Variants in TAL1 observed in about 807,000 individuals in gnomAD.
TAL1 encodes the protein T-cell acute lymphocytic leukemia protein 1.
A neutral mutation model predicts 17.9 loss-of-function variants in TAL1; 8 were observed. The observed-to-expected ratio is 0.45, with a 90% CI of 0.26 to 0.81. The LOEUF (loss-of-function observed/expected upper bound fraction) is 0.81, where lower values mean the gene tolerates loss of function less well. Ranked by LOEUF, TAL1 falls within the 30% of genes least tolerant of loss-of-function variation. The pLI is 0.17. For synonymous variants in TAL1, 223 were observed against 218.6 expected (o/e 1.02, Z -0.18); for missense variants, 466 against 486.9 (o/e 0.96, Z 0.40).
At chr1:47,217,395 A>C (rs918123445) in exon 4 of TAL1, 3 of 396,574 alleles carry the variant, frequency 7.6e-6, no homozygotes, top group Admixed American at 4.4e-5. Flanking sequence ...TCTCACACAC[A>C]CACACACACA....
upstream of TAL1, chr1:47,230,089 A>C (rs1227742644): frequency 6.6e-6 from 1 of 152,262 alleles, no homozygotes; most frequent in Non-Finnish European, 1.5e-5. Flanking sequence ...GGGGGAAAGA[A>C]AGAAACAAAG....
exon 4 of TAL1, chr1:47,219,800 C>T (rs1392159806): frequency 4.3e-6 from 7 of 1,611,548 alleles, no homozygotes; most frequent in Non-Finnish European, 5.9e-6. Flanking sequence ...GCGGGCTCCT[C>T]CGTGTAGCTG....
chr1:47,223,627 G>C (rs2148589248), intron 3 of TAL1: 1 of 173,276 alleles, frequency 5.8e-6, no homozygotes, highest in South Asian at 1.6e-4. Context: ...TGCCTAGAAT[G>C]GGGGATCGGG....
chr1:47,223,866 G>T, intron 3 of TAL1, 138 bp downstream of exon 4: 1 of 805,446 alleles, frequency 1.2e-6, no homozygotes, highest in South Asian at 1.6e-5. Context: ...CAGGGTGAAG[G>T]GCTTCGGCAG....
chr1:47,225,955 G>T (rs946449804), intron 1 of TAL1, 66 bp from the exon 3 acceptor site: 5 of 1,500,412 alleles, frequency 3.3e-6, no homozygotes, highest in Middle Eastern at 3.8e-4. Context: ...ACCGACGTGG[G>T]CTGGGGTAAA....
At chr1:47,224,031 A>T (rs780533692) in exon 3 of TAL1, 2 of 1,613,642 alleles carry the variant, frequency 1.2e-6, no homozygotes, top group Non-Finnish European at 1.7e-6. Context: ...TCATAGGGGG[A>T]AGGTCTCCTC....
intron 2 of TAL1, 55 bp downstream of exon 3, chr1:47,225,388 G>T: frequency 8.2e-7 from 1 of 1,220,842 alleles, no homozygotes; most frequent in Non-Finnish European, 1.0e-6. Context: ...CCCCGGTGGG[G>T]GTGGTCGCCC....
chr1:47,225,696 C>T, exon 2 of TAL1: 8 of 1,435,196 alleles, frequency 5.6e-6, no homozygotes, highest in Non-Finnish European at 7.3e-6. Flanking sequence ...CCCCCACCGG[C>T]AGGGCCGCCC....
chr1:47,225,648 T>C (rs780431645), exon 2 of TAL1: 27 of 1,387,330 alleles, frequency 1.9e-5, no homozygotes, highest in Middle Eastern at 2.6e-4. Context: ...GCTTCGGCCG[T>C]CGCCGCGTCG....
chr1:47,220,018 A>G, exon 4 of TAL1: 1 of 1,612,652 alleles, frequency 6.2e-7, no homozygotes, highest in Non-Finnish European at 8.5e-7. Flanking sequence ...GATATACTTC[A>G]TGGCCAGGCG....
intron 1 of TAL1, 24 bp from the exon 3 acceptor site, chr1:47,225,913 C>T (rs920562685): frequency 3.5e-6 from 5 of 1,424,812 alleles, no homozygotes; most frequent in Non-Finnish European, 4.8e-6. Context: ...GACAGACAAG[C>T]GGATGCCCGC....
chr1:47,219,761 G>C (rs760687547), exon 4 of TAL1: 1 of 1,611,278 alleles, frequency 6.2e-7, no homozygotes, highest in Non-Finnish European at 8.5e-7. Context: ...AGCATGGCAG[G>C]ATGGAGGCTG....
chr1:47,226,714 C>T (rs1643917900), intron 1 of TAL1, among the ~76,000 whole-genome samples: 1 of 152,196 alleles, frequency 6.6e-6, no homozygotes, highest in Admixed American at 6.5e-5. Flanking sequence ...CCTCGTTCTG[C>T]TCAGCTGGAC....
At chr1:47,232,204 AGGCC>A (rs1644027290), upstream of TAL1, 1 of 187,762 alleles carries the variant, frequency 5.3e-6, no homozygotes, top group Non-Finnish European at 1.1e-5. Context: ...GGCCATTTTG[AGGCC>A]CGGTCCTGAG....
At chr1:47,220,273 A>G in intron 3 of TAL1, 99 bp from the exon 5 acceptor site, 1 of 1,397,490 alleles carries the variant, frequency 7.2e-7, no homozygotes, top group African/African-American at 1.4e-5. Context: ...TAGAATGCCT[A>G]CTTTCCTTTT....
intron 1 of TAL1, chr1:47,227,925 A>G (rs892471102): frequency 6.6e-6 from 1 of 152,274 alleles, no homozygotes; most frequent in African/African-American, 2.4e-5. Flanking sequence ...GTGTGAGCCC[A>G]GTGATCCATG....
upstream of TAL1, chr1:47,231,213 C>G (rs1382021974): frequency 5.5e-6 from 1 of 181,354 alleles, no homozygotes; most frequent in Non-Finnish European, 1.2e-5. Context: ...GCAGAGCAGC[C>G]GCCGACCGGG....
chr1:47,219,507 A>G (rs763934771), exon 4 of TAL1: 5 of 772,032 alleles, frequency 6.5e-6, no homozygotes, highest in South Asian at 5.9e-5. Context: ...AGTACCTACC[A>G]CTTTGCTCCA....
exon 4 of TAL1, chr1:47,219,664 C>T (rs1300961063): frequency 6.3e-7 from 1 of 1,599,592 alleles, no homozygotes. Flanking sequence ...CCCTGAAGCC[C>T]ACCATCCCAG....
Sources: gnomAD v4.1 joint callset for allele counts (sites outside exome capture counted in the v4.1 genomes callset) on GRCh38, gnomAD v4.1.1 for gene constraint, MANE v1.5 for transcripts, NCBI Gene and HGNC (gene_info 2026-07-23, HGNC 2026-07-21) for gene names.